ANKRD28: variants seen among roughly 807,000 people sequenced by gnomAD.
The protein encoded by ANKRD28 is serine/threonine-protein phosphatase 6 regulatory ankyrin repeat subunit A.
In ANKRD28, 44 loss-of-function variants were observed where a neutral mutation model predicts 126.5. The observed-to-expected ratio is 0.35, with a 90% CI of 0.27 to 0.45. The LOEUF is 0.45. Among genes scored for constraint, ANKRD28 ranks in the 20% least tolerant of loss-of-function variants. ANKRD28 has a pLI of 1.00. For synonymous variants in ANKRD28, 442 were observed against 468.5 expected (o/e 0.94, Z 0.73); for missense variants, 1,110 against 1,316.6 (o/e 0.84, Z 2.43).
In ANKRD28 at chr3:15,814,224, C is replaced by T; in HGVS notation, c.28-18918G>A. ...CTGCCTATATTACTGCAAGAGACTA[C>T]TAGAAAATAACCTACCATAATAGGA... On this transcript the variant is annotated intron_variant, in intron 1 of 27. Coordinates refer to the ANKRD28 transcript ENST00000399451. The surrounding 1 kb of genome is among the most constrained non-coding windows in gnomAD (Gnocchi z 4.7). 8.2e-7 allele frequency: 1 copy of T among 1,220,058 alleles called. No individual in the cohort carries two copies. The highest frequency in any genetic ancestry group is 1.4e-5 in the South Asian group (1 of 69,612). 75.6% of individuals were successfully genotyped at this position (1,220,058 alleles called of 1,614,324 possible). A position where few individuals can be genotyped will look rare whatever the true frequency, so the allele number is the denominator to read the frequency against.
intron 21 of ANKRD28, 143 bp from the exon 22 acceptor site, chr3:15,679,706 T>C: frequency 4.5e-6 from 3 of 670,036 alleles, no homozygotes; most frequent in South Asian, 1.9e-5. Context: ...ATATAACCAT[T>C]GGTAGCTGTT....
At chr3:15,743,381 A>AC (rs1450231980) in intron 4 of ANKRD28, among the ~76,000 whole-genome samples, 6 of 152,186 alleles carry the variant, frequency 3.9e-5, no homozygotes, top group Admixed American at 6.5e-5. Context: ...CAAACAAAAA[A>AC]AAACAAAACA....
intron 4 of ANKRD28, among the ~76,000 whole-genome samples, chr3:15,747,046 T>G (rs2057521987): frequency 6.6e-6 from 1 of 152,204 alleles, no homozygotes; most frequent in African/African-American, 2.4e-5. Flanking sequence ...TTGTAATATC[T>G]CCCATTTCAT....
chr3:15,713,789 G>T, intron 9 of ANKRD28, 148 bp from the exon 10 acceptor site: 1 of 469,352 alleles, frequency 2.1e-6, no homozygotes, highest in Non-Finnish European at 3.8e-6. Flanking sequence ...CATTTATTGG[G>T]CCAGGCAATG....
chr3:15,849,352 A>G (rs1036883621), intron 1 of ANKRD28, among the ~76,000 whole-genome samples: 1 of 152,242 alleles, frequency 6.6e-6, no homozygotes, highest in Non-Finnish European at 1.5e-5. Flanking sequence ...TTAAAAAACA[A>G]AAACAAAAAT....
rs894108748 is a variant in ANKRD28, at chr3:15,853,097, C to G, written c.27+6280G>C. On this transcript the variant is annotated intron_variant, in intron 1 of 27. Coordinates refer to the ANKRD28 transcript ENST00000399451. This position sits in a 1 kb window ranked among gnomAD's most constrained non-coding sequence, Gnocchi z 4.2. ...CCTAAAATATTTGAAAATTAAACCA[C>G]TTCAACTTTACATTGTATACAATAT... 6.6e-6 allele frequency among the ~76,000 whole-genome samples: 1 copy of G among 152,088 alleles called. No homozygotes were observed. The highest frequency in any genetic ancestry group is 1.5e-5 in the Non-Finnish European group (1 of 68,024).
intron 26 of ANKRD28, chr3:15,676,228 G>A: frequency 2.6e-6 from 1 of 383,894 alleles, no homozygotes; most frequent in South Asian, 1.2e-4. Flanking sequence ...CCATCGACAG[G>A]TCCCTACCTT....
intron 1 of ANKRD28, among the ~76,000 whole-genome samples, chr3:15,851,693 G>T (rs921524633): frequency 6.6e-6 from 1 of 152,136 alleles, no homozygotes; most frequent in Non-Finnish European, 1.5e-5. Context: ...TACGCTGCTG[G>T]GAATGAAAAA....
rs1373652921 is a variant in ANKRD28 at position 15,803,792 on chromosome 3, AC to A, written c.28-8487del. ...GGACTTTTTTAGTTTCCAAATTTAT[AC>A]AATGAAGAATGTTACTTGTTACATC... On this transcript the variant is annotated intron_variant, in intron 1 of 27. Transcript: ENST00000399451. Among the ~76,000 whole-genome samples, 4 of 144,042 alleles carry A rather than the reference AC, an allele frequency of 2.8e-5. 1 individual carries two copies. The highest frequency in any genetic ancestry group is 1.0e-4 in the African/African-American group (4 of 38,350). 94.5% of individuals were successfully genotyped at this position (144,042 alleles called of 152,430 possible).
intron 8 of ANKRD28, among the ~76,000 whole-genome samples, chr3:15,717,727 C>T (rs1014675680): frequency 1.8e-4 from 27 of 152,036 alleles, no homozygotes; most frequent in Admixed American, 1.7e-3. Flanking sequence ...GGTGGGAAAA[C>T]GTGTGCATAT....
At chr3:15,693,327 CAGAGAGAGAG>C (rs59750718) in intron 17 of ANKRD28, among the ~76,000 whole-genome samples, 43 of 148,464 alleles carry the variant, frequency 2.9e-4, no homozygotes, top group African/African-American at 8.9e-4. Context: ...AATGGGGGGG[CAGAGAGAGAG>C]AGAGAGAGAG....
intron 3 of ANKRD28, among the ~76,000 whole-genome samples, chr3:15,752,225 T>C (rs1241622739): frequency 1.3e-5 from 2 of 152,238 alleles, no homozygotes; most frequent in African/African-American, 2.4e-5. Flanking sequence ...TCTTTACTAA[T>C]GAATATATCA....
At chr3:15,820,354 GAATCTAATAA>G (rs1242189875) in intron 1 of ANKRD28, among the ~76,000 whole-genome samples, 2 of 152,102 alleles carry the variant, frequency 1.3e-5, no homozygotes, top group African/African-American at 4.8e-5. Context: ...AACAACAGTG[GAATCTAATAA>G]AATCTTTAAA....
intron 4 of ANKRD28, among the ~76,000 whole-genome samples, chr3:15,737,931 G>C (rs1363423334): frequency 2.0e-5 from 3 of 149,602 alleles, no homozygotes; most frequent in Non-Finnish European, 3.0e-5. Flanking sequence ...CATAGACAAG[G>C]TTCTTTTTGC....
In ANKRD28 at chr3:15,719,189, G is replaced by A. The variant is rs552636653; in HGVS notation, c.996+1726C>T. Among the ~76,000 whole-genome samples, 277 of 152,198 alleles carry A rather than the reference G, an allele frequency of 1.8e-3. 1 individual carries two copies. The highest frequency in any genetic ancestry group is 2.1e-3 in the Non-Finnish European group (144 of 68,000). On this transcript the variant is annotated intron_variant, in intron 8 of 27. Transcript: ENST00000683139. ...ATACATTTTGTCCTGTAGTTGAGAGGGCAATTTAAAGCAATGGCCTAATTA... is the reference window on the plus strand; with the variant it reads ...ATACATTTTGTCCTGTAGTTGAGAGAGCAATTTAAAGCAATGGCCTAATTA...
intron 27 of ANKRD28, among the ~76,000 whole-genome samples, chr3:15,672,306 A>G (rs1433511896): frequency 1.3e-5 from 2 of 151,928 alleles, no homozygotes; most frequent in Admixed American, 6.6e-5. Context: ...ATGCCTGGCT[A>G]ATTTTTAAAC....
Position 15,690,157 on chromosome 3 carries a change from T to C in ANKRD28, c.1825A>G (p.Arg609Gly). The change falls in exon 18 of 28, where the codon AGA becomes GGA. Residue 609 changes from arginine (R) to glycine (G), a missense_variant. By Grantham distance (125) the Arg-to-Gly change is moderately radical. Coordinates refer to ENST00000683139, the MANE Select transcript of ANKRD28 (RefSeq NM_001349278.2). Reference protein sequence around the residue: ...LVQSLLDLDVRNSSGRTPLDL... With the variant: ...LVQSLLDLDVGNSSGRTPLDL... ...AGGGGTGTTCTTCCACTACTATTTC[T>C]GACATCAAGATCTAACAAAGACTGT... The C allele has an allele frequency of 6.2e-7, 1 of 1,609,790 alleles. No homozygotes were observed. Among genetic ancestry groups the C allele is most frequent in the South Asian group, 1.1e-5 (1 of 89,976 alleles).
chr3:15,814,089 T>C lies in ANKRD28; in HGVS notation c.28-18783A>G, dbSNP rs562198321. Among the ~76,000 whole-genome samples the C allele has an allele frequency of 1.4e-4, 21 of 152,344 alleles. No individual in the cohort carries two copies. In the South Asian group the frequency reaches 4.3e-3, roughly 32 times the overall value. On this transcript the variant is annotated intron_variant, in intron 1 of 27. Transcript: ENST00000399451. The surrounding 1 kb of genome is among the most constrained non-coding windows in gnomAD (Gnocchi z 4.7). ...CAGGGTCCACTACTATAAATGTTTC[T>C]ACAATAAAGGACTTTTTGGCTGACA...
At chr3:15,765,427 A>G (rs1476035865) in intron 3 of ANKRD28, among the ~76,000 whole-genome samples, 1 of 152,130 alleles carries the variant, frequency 6.6e-6, no homozygotes, top group African/African-American at 2.4e-5. Flanking sequence ...CTACTATCAG[A>G]CTATTTCTTA....
Sources: gnomAD v4.1 joint callset for allele counts (sites outside exome capture counted in the v4.1 genomes callset) on GRCh38, gnomAD v4.1.1 for gene constraint, Gnocchi (gnomAD v3.1) non-coding constraint, MANE v1.5 for transcripts, NCBI Gene and HGNC (gene_info 2026-07-23, HGNC 2026-07-21) for gene names.